Variants in BBS9 observed in about 807,000 individuals in gnomAD.
BBS9 encodes the protein protein PTHB1.
A neutral mutation model predicts 117.7 loss-of-function variants in BBS9; 89 were observed. The observed-to-expected ratio is 0.76, with a 90% confidence interval of 0.64 to 0.90. The LOEUF is 0.90. Ranked by LOEUF, BBS9 falls within the 40% of genes least tolerant of loss-of-function variation. The probability of loss-of-function intolerance (pLI) is 0.00; values close to 1 mark genes in which losing one functional copy is unlikely to be tolerated. For synonymous variants in BBS9, 379 were observed against 370.9 expected (o/e 1.02, Z -0.25); for missense variants, 982 against 1,042.2 (o/e 0.94, Z 0.80).
chr7:33,447,564 CA>C (rs1322786610), intron 19 of BBS9, among the ~76,000 whole-genome samples: 2 of 152,044 alleles, frequency 1.3e-5, no homozygotes, highest in Non-Finnish European at 2.9e-5. Context: ...CAACTGTTTC[CA>C]AAAAGACTTT....
Position 33,366,523 on chromosome 7 carries a change from TTTTTTTTTTTCTTTTCTTTC to T in BBS9, c.1694-1233_1694-1214del, listed in dbSNP as rs1245435314. Among the ~76,000 whole-genome samples, 4 of 144,114 alleles carry T rather than the reference TTTTTTTTTTTCTTTTCTTTC, an allele frequency of 2.8e-5. No individual in the cohort carries two copies. The East Asian group carries it at 8.2e-4, about 30-fold the overall frequency. 94.5% of individuals were successfully genotyped at this position (144,114 alleles called of 152,430 possible). A position where few individuals can be genotyped will look rare whatever the true frequency, so the allele number is the denominator to read the frequency against. On this transcript the variant is annotated intron_variant, in intron 16 of 22. Transcript: ENST00000242067. The stretch of plus-strand genomic sequence containing the variant: ...CCCCCGTGATGATGTTTAATGTTTC[TTTTTTTTTTTCTTTTCTTTC>T]TTTTTTTTTTTTTTTTTTTGAGATG...
At chr7:33,351,826 T>C (rs1005765298) in intron 14 of BBS9, 2 of 182,328 alleles carry the variant, frequency 1.1e-5, no homozygotes, top group South Asian at 1.1e-4. Context: ...AAGGCACTTA[T>C]TCCTTGTGGC....
At chr7:33,612,871 A>C in intron 21 of BBS9, among the ~76,000 whole-genome samples, 1 of 152,074 alleles carries the variant, frequency 6.6e-6, no homozygotes, top group East Asian at 1.9e-4. Context: ...AGATGGCCTC[A>C]ATTTTAGGCC....
intron 5 of BBS9, among the ~76,000 whole-genome samples, chr7:33,183,868 G>A (rs1798425548): frequency 6.6e-6 from 1 of 152,098 alleles, no homozygotes; most frequent in Non-Finnish European, 1.5e-5. Context: ...TAGCTGACTA[G>A]TTTGCTGGGC....
At chr7:33,309,599 A>G (rs768126479) in intron 9 of BBS9, among the ~76,000 whole-genome samples, 14 of 152,194 alleles carry the variant, frequency 9.2e-5, no homozygotes, top group Non-Finnish European at 1.6e-4. Context: ...AAGGTAGGAA[A>G]AGGGACCAGG....
rs139659336 is a variant in BBS9 at position 33,171,491 on chromosome 7, C to T, written c.329-5987C>T. On this transcript the variant is annotated intron_variant, in intron 4 of 22. Coordinates refer to ENST00000242067, the MANE Select transcript of BBS9 (RefSeq NM_198428.3). ...TAGTAGCTTTAATTACATATATCAA[C>T]TAAAATTTTAACTCTTAGTAACCTT... is the stretch of plus-strand genomic sequence containing the variant. Among the ~76,000 whole-genome samples the T allele has an allele frequency of 6.1e-3, 925 of 152,274 alleles. 10 individuals carry two copies. The highest frequency in any genetic ancestry group is 0.021 in the African/African-American group (886 of 41,540).
At chr7:33,616,151 T>A (rs1484366802) in intron 21 of BBS9, among the ~76,000 whole-genome samples, 1 of 151,738 alleles carries the variant, frequency 6.6e-6, no homozygotes, top group African/African-American at 2.4e-5. Context: ...ATAAAAATTT[T>A]TATCTTTATT....
chr7:33,496,124 C>T (rs900091449), intron 19 of BBS9, among the ~76,000 whole-genome samples: 33 of 152,094 alleles, frequency 2.2e-4, no homozygotes, highest in African/African-American at 7.7e-4. Context: ...TTTATGAAGA[C>T]AAATCATTTT....
chr7:33,353,947 C>G (rs868216623), intron 15 of BBS9, among the ~76,000 whole-genome samples: 6 of 151,770 alleles, frequency 4.0e-5, no homozygotes, highest in African/African-American at 1.5e-4. Flanking sequence ...GCTAGATTGC[C>G]TGTAATTTTT....
At chr7:33,143,434 A>G (rs1258882917) in intron 1 of BBS9, among the ~76,000 whole-genome samples, 2 of 151,736 alleles carry the variant, frequency 1.3e-5, no homozygotes, top group Non-Finnish European at 2.9e-5. Context: ...GGTCGAATAT[A>G]TTTTTGTTTT....
chr7:33,294,345 C>CTATCTATCTATG (rs1804800752), intron 9 of BBS9, among the ~76,000 whole-genome samples: 1 of 129,558 alleles, frequency 7.7e-6, no homozygotes, highest in African/African-American at 2.8e-5. Flanking sequence ...ATCTATCTAT[C>CTATCTATCTATG]TATCTATCTC....
At chr7:33,188,292 CA>C (rs1783498092) in intron 5 of BBS9, among the ~76,000 whole-genome samples, 1 of 152,038 alleles carries the variant, frequency 6.6e-6, no homozygotes, top group Non-Finnish European at 1.5e-5. Flanking sequence ...CTTTGTTGCC[CA>C]AAGGTTGAAC....
intron 5 of BBS9, among the ~76,000 whole-genome samples, chr7:33,180,593 G>A (rs1315877842): frequency 6.6e-6 from 1 of 152,116 alleles, no homozygotes; most frequent in Non-Finnish European, 1.5e-5. Flanking sequence ...CTGACCTCGT[G>A]ACCCGCCTGC....
rs748389808 is a variant in BBS9 at position 33,349,137 on chromosome 7, T to C, written c.1399T>C (p.Leu467=). The C allele has an allele frequency of 1.1e-5, 17 of 1,613,338 alleles. No homozygotes were observed. The highest frequency in any genetic ancestry group is 1.3e-5 in the African/African-American group (1 of 75,032). Residue 467 remains leucine (L), a synonymous_variant, in exon 13 of 23, where the codon TTG becomes CTG. Coordinates refer to ENST00000242067, the MANE Select transcript of BBS9 (RefSeq NM_198428.3). ...AGTCTACGTGCAACCACCATTAGAA[T>C]TGACTTGTGATCAGTTCACCTTTGA... The part of the protein sequence containing the change: ...LSVYVQPPLE[L]TCDQFTFEFM...
At position 33,383,613 on chromosome 7, in the gene BBS9, TTATC is replaced by T. The variant is rs1447995930; in HGVS notation, c.1790-50_1790-47del. The T allele has an allele frequency of 2.7e-6, 4 of 1,475,598 alleles. No individual in the cohort carries two copies. In the African/African-American group the frequency reaches 4.1e-5, roughly 15 times the overall value. 91.4% of individuals were successfully genotyped at this position (1,475,598 alleles called of 1,614,324 possible). ...AGGATTAGTGATAGTTCATGTAGCT[TTATC>T]TAGTAATTCTGTGTTACTAAGCATT... is the stretch of plus-strand genomic sequence containing the variant. On this transcript the variant is annotated intron_variant, in intron 17 of 22. Transcript: ENST00000242067.
chr7:33,577,763 G>A (rs1859174190), intron 21 of BBS9, among the ~76,000 whole-genome samples: 1 of 152,156 alleles, frequency 6.6e-6, no homozygotes, highest in African/African-American at 2.4e-5. Flanking sequence ...GGACATGGAT[G>A]AAGCTGGAAA....
At chr7:33,210,686 C>A (rs990525369) in intron 5 of BBS9, among the ~76,000 whole-genome samples, 1 of 151,988 alleles carries the variant, frequency 6.6e-6, no homozygotes, top group East Asian at 1.9e-4. Context: ...TACAGGTGTG[C>A]GCCACCATGC....
At chr7:33,234,415 A>T (rs1267853524) in intron 5 of BBS9, among the ~76,000 whole-genome samples, 1 of 152,132 alleles carries the variant, frequency 6.6e-6, no homozygotes, top group African/African-American at 2.4e-5. Flanking sequence ...GCATTATAAA[A>T]TATTCACCAC....
intron 19 of BBS9, among the ~76,000 whole-genome samples, chr7:33,496,604 C>T (rs1004329119): frequency 4.6e-5 from 7 of 151,862 alleles, no homozygotes; most frequent in Admixed American, 4.6e-4. Context: ...ATATGAAGTG[C>T]AATAGAATGA....
Sources: gnomAD v4.1 joint callset for allele counts (sites outside exome capture counted in the v4.1 genomes callset) on GRCh38, gnomAD v4.1.1 for gene constraint, MANE v1.5 for transcripts, NCBI Gene and HGNC (gene_info 2026-07-23, HGNC 2026-07-21) for gene names.